The following LRRTM4 variants were observed in gnomAD, a reference collection of about 807,000 sequenced individuals.
LRRTM4 encodes the protein leucine-rich repeat transmembrane neuronal protein 4.
A neutral mutation model predicts 47.6 loss-of-function variants in LRRTM4; 25 were observed. That is an observed-to-expected ratio of 0.53 (90% confidence interval 0.38 to 0.73). LRRTM4 has a LOEUF of 0.73. Ranked by LOEUF, LRRTM4 falls within the 30% of genes least tolerant of loss-of-function variation. The pLI, the probability that LRRTM4 is intolerant of heterozygous loss-of-function variation, is 0.00. For synonymous variants in LRRTM4, 311 were observed against 269.5 expected (o/e 1.15, Z -1.51); for missense variants, 638 against 713.4 (o/e 0.89, Z 1.20).
chr2:76,786,264 A>G (rs1006269205), intron 3 of LRRTM4, among the ~76,000 whole-genome samples: 10 of 152,236 alleles, frequency 6.6e-5, no homozygotes, highest in South Asian at 6.2e-4. Context: ...ATATTTTCCA[A>G]TTGATCAATT....
intron 3 of LRRTM4, among the ~76,000 whole-genome samples, chr2:77,024,424 T>C (rs1678379696): frequency 2.0e-5 from 3 of 151,802 alleles, no homozygotes; most frequent in Admixed American, 2.0e-4. Context: ...TTTCATTCTG[T>C]ATTATGGCTG....
intron 3 of LRRTM4, among the ~76,000 whole-genome samples, chr2:76,954,988 T>C (rs1675624898): frequency 6.6e-6 from 1 of 151,698 alleles, no homozygotes; most frequent in Non-Finnish European, 1.5e-5. Context: ...AACAATATCC[T>C]TCAGAAATGA....
chr2:77,311,518 G>C (rs1677457542), intron 3 of LRRTM4, among the ~76,000 whole-genome samples: 1 of 152,122 alleles, frequency 6.6e-6, no homozygotes, highest in African/African-American at 2.4e-5. Context: ...TTAAAGTGTG[G>C]GTGATTGATG....
chr2:77,236,465 A>G (rs1352402325), intron 3 of LRRTM4, among the ~76,000 whole-genome samples: 1 of 151,804 alleles, frequency 6.6e-6, no homozygotes, highest in East Asian at 1.9e-4. Context: ...TTTTTTGCCA[A>G]GAGAGATAGC....
Position 77,371,917 on chromosome 2 carries a change from T to C in LRRTM4, c.1551+146401A>G, listed in dbSNP as rs998867006. On this transcript the variant is annotated intron_variant, in intron 3 of 3. Coordinates refer to ENST00000409884, the MANE Select transcript of LRRTM4 (RefSeq NM_001134745.3). Reference sequence around the variant, plus strand: ...TAGTGTGCTAGAGTTTCATACTTACTGGCAGAAGACACAAAATTTATGGGT... The same window carrying C: ...TAGTGTGCTAGAGTTTCATACTTACCGGCAGAAGACACAAAATTTATGGGT... 4.6e-5 allele frequency among the ~76,000 whole-genome samples: 7 copies of C among 151,830 alleles called. No homozygotes were observed. In the East Asian group the frequency reaches 1.4e-3, roughly 29 times the overall value.
At chr2:77,313,890 T>G (rs1677544156) in intron 3 of LRRTM4, among the ~76,000 whole-genome samples, 1 of 152,222 alleles carries the variant, frequency 6.6e-6, no homozygotes, top group Admixed American at 6.5e-5. Context: ...AATGCATTAT[T>G]ACATTTTCCT....
At chr2:77,460,351 T>C (rs1676741366) in intron 3 of LRRTM4, among the ~76,000 whole-genome samples, 1 of 152,152 alleles carries the variant, frequency 6.6e-6, no homozygotes, top group Non-Finnish European at 1.5e-5. Context: ...TGAATTTGCA[T>C]GCTTCTTGGC....
chr2:76,783,837 A>G (rs111471613), intron 3 of LRRTM4, among the ~76,000 whole-genome samples: 1 of 152,144 alleles, frequency 6.6e-6, no homozygotes, highest in African/African-American at 2.4e-5. Flanking sequence ...TTTAATTGCA[A>G]TGTTAATTCT....
rs561941906 is a variant in LRRTM4 at position 77,450,261 on chromosome 2, C to T, written c.1551+68057G>A. On this transcript the variant is annotated intron_variant, in intron 3 of 3. Coordinates refer to ENST00000409884, the MANE Select transcript of LRRTM4 (RefSeq NM_001134745.3). ...ATTAAAACTCTCCTCTTTCTCTCTC[C>T]GTCTCTCTCTCTCTCTCTGTCATGC... is the stretch of plus-strand genomic sequence containing the variant. Among the ~76,000 whole-genome samples the T allele has an allele frequency of 4.7e-5, 7 of 150,120 alleles. 1 individual carries two copies. In the South Asian group the frequency reaches 1.1e-3, roughly 23 times the overall value.
intron 3 of LRRTM4, among the ~76,000 whole-genome samples, chr2:77,400,428 T>C (rs1015355443): frequency 6.6e-6 from 1 of 151,742 alleles, no homozygotes; most frequent in Non-Finnish European, 1.5e-5. Flanking sequence ...GTAAGTGGTT[T>C]ATAGCTCAAA....
chr2:76,949,819 A>T (rs1573357265), intron 3 of LRRTM4, among the ~76,000 whole-genome samples: 1 of 151,998 alleles, frequency 6.6e-6, no homozygotes, highest in East Asian at 1.9e-4. Flanking sequence ...TGACATTAAG[A>T]AAACACAGAA....
chr2:77,308,411 T>A (rs2104187594), intron 3 of LRRTM4, among the ~76,000 whole-genome samples: 1 of 152,234 alleles, frequency 6.6e-6, no homozygotes, highest in South Asian at 2.1e-4. Flanking sequence ...AACAATCGAC[T>A]AACACCTCAA....
chr2:77,243,559 T>C (rs1675335457), intron 3 of LRRTM4, among the ~76,000 whole-genome samples: 1 of 149,934 alleles, frequency 6.7e-6, no homozygotes, highest in African/African-American at 2.4e-5. Flanking sequence ...TGAGGGTTGA[T>C]TAATGGGTAT....
At chr2:76,784,828 T>C (rs1392892142) in intron 3 of LRRTM4, among the ~76,000 whole-genome samples, 4 of 152,048 alleles carry the variant, frequency 2.6e-5, no homozygotes. Context: ...AAATACTAAA[T>C]ATACCTTAAA....
At chr2:77,122,310 AT>A (rs1174401799) in intron 3 of LRRTM4, among the ~76,000 whole-genome samples, 2 of 151,636 alleles carry the variant, frequency 1.3e-5, no homozygotes, top group Non-Finnish European at 3.0e-5. Context: ...AAAATTAAAA[AT>A]AATGAGTTCT....
chr2:77,473,472 T>C (rs1206153153), intron 3 of LRRTM4, among the ~76,000 whole-genome samples: 2 of 152,118 alleles, frequency 1.3e-5, no homozygotes, highest in African/African-American at 2.4e-5. Context: ...AGTGCTCACC[T>C]GATAGCTCTA....
chr2:77,268,559 G>A (rs983723890), intron 3 of LRRTM4, among the ~76,000 whole-genome samples: 1 of 151,980 alleles, frequency 6.6e-6, no homozygotes, highest in Admixed American at 6.6e-5. Flanking sequence ...CATTCTGCAC[G>A]CTGTATATCA....
In LRRTM4 at chr2:77,307,287, A is replaced by T. The variant is rs184508355; in HGVS notation, c.1551+211031T>A. Among the ~76,000 whole-genome samples, 183 of 151,762 alleles carry T rather than the reference A, an allele frequency of 1.2e-3. 1 individual carries two copies. Among genetic ancestry groups the T allele is most frequent in the African/African-American group, 4.2e-3 (173 of 41,430 alleles). On this transcript the variant is annotated intron_variant, in intron 3 of 3. Transcript: ENST00000409884. ...AAGACCAATCTGAAATTTTCTCTGA[A>T]ATGTGACTTAGTAGTCACATTTTTG...
At chr2:76,807,421 T>C (rs796302398) in intron 3 of LRRTM4, among the ~76,000 whole-genome samples, 1,695 of 70,032 alleles carry the variant, frequency 0.024, 68 homozygotes, top group African/African-American at 0.11. Flanking sequence ...TATATATATA[T>C]ATACATATAT....
Sources: gnomAD v4.1 joint callset for allele counts (sites outside exome capture counted in the v4.1 genomes callset) on GRCh38, gnomAD v4.1.1 for gene constraint, MANE v1.5 for transcripts, NCBI Gene and HGNC (gene_info 2026-07-23, HGNC 2026-07-21) for gene names.